Variants in ALKAL2 observed in about 807,000 individuals in gnomAD.
ALKAL2 encodes the protein ALK and LTK ligand 2.
ALKAL2 carries 8 observed loss-of-function variants against 18.5 expected under a neutral mutation model. The ratio of observed to expected loss-of-function variants is 0.43; its 90% CI spans 0.25 to 0.78. ALKAL2 has a LOEUF of 0.78. Ranked by LOEUF, ALKAL2 falls within the 30% of genes least tolerant of loss-of-function variation. The pLI is 0.22. For synonymous variants in ALKAL2, 135 were observed against 95.8 expected, an observed-to-expected ratio of 1.41 and a Z score of -2.39; for missense variants, 241 against 211.2, an observed-to-expected ratio of 1.14 and a Z score of -0.88.
At position 286,163 on chromosome 2, in the gene ALKAL2, A is replaced by G. The variant is rs370561761; in HGVS notation, c.348T>C (p.His116=). 3 of 1,613,886 alleles carry G rather than the reference A, an allele frequency of 1.9e-6. No individual in the cohort carries two copies. The highest frequency in any genetic ancestry group is 2.7e-5 in the African/African-American group (2 of 74,936). The change falls in exon 4 of 6, where the codon CAT becomes CAC. Residue 116 remains histidine (H), a synonymous_variant. Coordinates refer to ENST00000403610, the MANE Select transcript of ALKAL2 (RefSeq NM_001002919.3). ...YFSPKCSKHF[H]RLYHNTRDCT... ...AGTCTCTGGTGTTGTGATAAAGTCT[A>G]TGGAAGTGTTTGCTGCACTTTGGAC...
intron 4 of ALKAL2, chr2:283,431 G>A (rs1019664093): frequency 4.3e-5 from 42 of 985,282 alleles, no homozygotes; most frequent in Non-Finnish European, 4.8e-5. Flanking sequence ...GGACAGACAC[G>A]AAGGCTGCAT....
chr2:284,638 A>G (rs1000491307), intron 4 of ALKAL2, among the ~76,000 whole-genome samples: 1 of 152,180 alleles, frequency 6.6e-6, no homozygotes, highest in Non-Finnish European at 1.5e-5. Flanking sequence ...AAAAGGAGGT[A>G]TCGAATGCAG....
chr2:282,371 G>C (rs1304473226), intron 5 of ALKAL2, among the ~76,000 whole-genome samples: 4 of 152,234 alleles, frequency 2.6e-5, no homozygotes, highest in Admixed American at 6.5e-5. Flanking sequence ...TGTCTTTCTT[G>C]TGCTGGTGTA....
Position 287,677 on chromosome 2 carries a change from C to T in ALKAL2, c.159G>A (p.Ser53=), listed in dbSNP as rs770298613. 4.7e-6 allele frequency: 7 copies of T among 1,483,158 alleles called. No homozygotes were observed. The highest frequency in any genetic ancestry group is 4.5e-6 in the Non-Finnish European group (5 of 1,123,326). The allele number at this position is 1,483,158 out of a possible 1,614,324, so 91.9% of individuals were successfully genotyped here. ...GGAGCTGCAGGCCCTTGTGCTCCGC[C>T]GAGTGGTGCTTCCGCAGCTCCTGGA... The part of the protein sequence containing the change: ...ELVQELRKHH[S]AEHKGLQLLG... The change falls in exon 2 of 6, where the codon TCG becomes TCA. Residue 53 remains serine (S), a synonymous_variant. Transcript: ENST00000403610.
At position 279,679 on chromosome 2, in the gene ALKAL2, T is replaced by C. The variant is rs1670271450; in HGVS notation, c.*468A>G. 1 of 159,238 alleles carries C rather than the reference T, an allele frequency of 6.3e-6. No homozygotes were observed. Among genetic ancestry groups the C allele is most frequent in the Admixed American group, 6.1e-5 (1 of 16,272 alleles). The allele number at this position is 159,238 out of a possible 1,614,324, so 9.9% of individuals were successfully genotyped here. ...CGACCAACAGAATTAGCCACAGATTTACACTCCACTGTCTCTAAAACATGA... is the reference window on the plus strand; with the variant it reads ...CGACCAACAGAATTAGCCACAGATTCACACTCCACTGTCTCTAAAACATGA... On this transcript the variant is annotated 3_prime_UTR_variant, in exon 6 of 6. Coordinates refer to ENST00000403610, the MANE Select transcript of ALKAL2 (RefSeq NM_001002919.3).
In ALKAL2 at chr2:287,649, C is replaced by G. The variant is rs1670567173; in HGVS notation, c.187G>C (p.Gly63Arg). ...SAEHKGLQLLGRDCALGRAEA... is the reference protein window; with the variant it reads ...SAEHKGLQLLRRDCALGRAEA... Reference sequence around the variant, plus strand: ...GCGCGGCCCAGGGCGCAGTCCCGCCCGAGGAGCTGCAGGCCCTTGTGCTCC... The same window carrying G: ...GCGCGGCCCAGGGCGCAGTCCCGCCGGAGGAGCTGCAGGCCCTTGTGCTCC... Residue 63 changes from glycine (G) to arginine (R), a missense_variant, in exon 2 of 6, where the codon GGG becomes CGG. Coordinates refer to ENST00000403610, the MANE Select transcript of ALKAL2 (RefSeq NM_001002919.3). 1.3e-6 allele frequency: 2 copies of G among 1,481,816 alleles called. No homozygotes were observed. The highest frequency in any genetic ancestry group is 1.5e-5 in the African/African-American group (1 of 68,480). The allele number at this position is 1,481,816 out of a possible 1,614,324, so 91.8% of individuals were successfully genotyped here.
rs114832219 is a variant in ALKAL2 at position 281,890 on chromosome 2, A to G, written c.453+1221T>C. Among the ~76,000 whole-genome samples the G allele has an allele frequency of 1.2e-3, 188 of 152,326 alleles. 1 individual carries two copies. The highest frequency in any genetic ancestry group is 1.9e-3 in the Non-Finnish European group (127 of 68,014). The stretch of plus-strand genomic sequence containing the variant: ...TTAAACAGAAGAAAGTCTGTGTGAC[A>G]CATAGGCAGTGGATGAGCTGCTCGA... On this transcript the variant is annotated intron_variant, in intron 5 of 5. Coordinates refer to ENST00000403610, the MANE Select transcript of ALKAL2 (RefSeq NM_001002919.3).
intron 5 of ALKAL2, among the ~76,000 whole-genome samples, chr2:281,416 A>G (rs926074074): frequency 2.0e-5 from 3 of 152,130 alleles, no homozygotes; most frequent in Non-Finnish European, 4.4e-5. Flanking sequence ...ATCGTCAGTC[A>G]GGCTCTGATG....
At chr2:280,232 G>C (rs1670295550) in intron 5 of ALKAL2, 80 bp from the exon 6 acceptor site, 15 of 1,494,240 alleles carry the variant, frequency 1.0e-5, no homozygotes, top group Middle Eastern at 1.7e-4. Context: ...ACTTCAGTTA[G>C]GGGACACAAC....
intron 5 of ALKAL2, among the ~76,000 whole-genome samples, chr2:281,735 C>G (rs1670361413): frequency 6.6e-6 from 1 of 151,684 alleles, no homozygotes; most frequent in African/African-American, 2.4e-5. Flanking sequence ...GGAAAATTTC[C>G]AAGGATGTCC....
In ALKAL2 at chr2:283,115, T is replaced by A. The variant is rs768728521; in HGVS notation, c.449A>T (p.Asp150Val). The A allele has an allele frequency of 2.5e-6, 4 of 1,612,150 alleles. No homozygotes were observed. In the Admixed American group the frequency reaches 6.7e-5, roughly 27 times the overall value. The change falls in exon 5 of 6, where the codon GAT (aspartate) becomes GTT (valine). Residue 150 changes from aspartate to valine, a missense_variant. Physicochemically the swap from Asp to Val is radical, Grantham distance 152. Coordinates refer to ENST00000403610, the MANE Select transcript of ALKAL2 (RefSeq NM_001002919.3). The stretch of plus-strand genomic sequence containing the variant: ...TGTGTGTCTGTCCAAGCTTACCTTA[T>A]CCTCCATGCACACTGGACTGACAGC... ...RLAVSPVCME[D>V]KQ
chr2:280,056 T>G lies in ALKAL2; in HGVS notation c.*91A>C. 4 of 1,402,828 alleles carry G rather than the reference T, an allele frequency of 2.9e-6. No homozygotes were observed. The highest frequency in any genetic ancestry group is 4.0e-6 in the Non-Finnish European group (4 of 988,258). The allele number at this position is 1,402,828 out of a possible 1,614,324, so 86.9% of individuals were successfully genotyped here. Reference sequence around the variant, plus strand: ...TCTGCAAAAATAAATCTCTTGTCCATGAGGGGATGTGTATAAAGATAGTTC... The same window carrying G: ...TCTGCAAAAATAAATCTCTTGTCCAGGAGGGGATGTGTATAAAGATAGTTC... On this transcript the variant is annotated 3_prime_UTR_variant, in exon 6 of 6. Transcript: ENST00000403610.
intron 2 of ALKAL2, 172 bp downstream of exon 2, chr2:287,411 C>A: frequency 2.0e-6 from 1 of 502,880 alleles, no homozygotes; most frequent in African/African-American, 2.0e-5. Context: ...TCCGCCAGGC[C>A]TCATGCGCGG....
intron 4 of ALKAL2, among the ~76,000 whole-genome samples, chr2:284,032 T>C (rs1460065192): frequency 6.6e-6 from 1 of 152,214 alleles, no homozygotes; most frequent in Non-Finnish European, 1.5e-5. Context: ...GAAAATGTTT[T>C]TCAAAGGGCC....
In ALKAL2 at chr2:286,123, A is replaced by T; in HGVS notation, c.388T>A (p.Tyr130Asn). 1 of 1,612,580 alleles carries T rather than the reference A, an allele frequency of 6.2e-7. No homozygotes were observed. The highest frequency in any genetic ancestry group is 8.5e-7 in the Non-Finnish European group (1 of 1,178,814). Residue 130 changes from tyrosine (Y) to asparagine (N), a missense_variant and splice_region_variant, in exon 4 of 6, where the codon TAC becomes AAC. Tyr to Asn is a moderately radical substitution (Grantham distance 143). Coordinates refer to ENST00000403610, the MANE Select transcript of ALKAL2 (RefSeq NM_001002919.3). ...ATAAAAATCCAATGCTGTTACTTAC[A>T]TGCAGGAATGGTGCAGTCTCTGGTG... is the stretch of plus-strand genomic sequence containing the variant. Reference protein sequence around the residue: ...HNTRDCTIPAYYKRCARLLTR... With the variant: ...HNTRDCTIPANYKRCARLLTR...
In ALKAL2 at chr2:283,128, C is replaced by T. The variant is rs759317748; in HGVS notation, c.436G>A (p.Val146Met). Residue 146 changes from valine to methionine, a missense_variant, in exon 5 of 6, where the codon GTG becomes ATG. By Grantham distance (21) the Val-to-Met change is conservative. Coordinates refer to ENST00000403610, the MANE Select transcript of ALKAL2 (RefSeq NM_001002919.3). ...RLLTRLAVSPVCMEDKQ is the reference protein window; with the variant it reads ...RLLTRLAVSPMCMEDKQ ...AAGCTTACCTTATCCTCCATGCACA[C>T]TGGACTGACAGCCAGCCGGGTAAGA... The T allele has an allele frequency of 6.2e-7, 1 of 1,612,840 alleles. No homozygotes were observed. The highest frequency in any genetic ancestry group is 8.5e-7 in the Non-Finnish European group (1 of 1,179,492).
At chr2:281,453 T>A (rs940601064) in intron 5 of ALKAL2, among the ~76,000 whole-genome samples, 2 of 152,100 alleles carry the variant, frequency 1.3e-5, no homozygotes, top group African/African-American at 4.8e-5. Flanking sequence ...GGGAGAGTGA[T>A]GTGAAGAGTG....
chr2:286,047 T>C, intron 4 of ALKAL2, 76 bp downstream of exon 4: 1 of 1,291,304 alleles, frequency 7.7e-7, no homozygotes, highest in Non-Finnish European at 1.1e-6. Context: ...CAGGGGCCTA[T>C]ATGAGGAAAT....
chr2:287,339 T>C (rs1670548416), intron 2 of ALKAL2: 4 of 381,748 alleles, frequency 1.0e-5, no homozygotes, highest in South Asian at 2.4e-4. Flanking sequence ...GTTGACAGTT[T>C]AGTGTGGAAA....
Sources: gnomAD v4.1 joint callset for allele counts (sites outside exome capture counted in the v4.1 genomes callset) on GRCh38, gnomAD v4.1.1 for gene constraint, MANE v1.5 for transcripts, NCBI Gene and HGNC (gene_info 2026-07-23, HGNC 2026-07-21) for gene names.